Variants in GDAP1 observed in about 807,000 individuals in gnomAD.
The protein encoded by GDAP1 is ganglioside-induced differentiation-associated protein 1.
In GDAP1, 34 loss-of-function variants were observed where a neutral mutation model predicts 40.1. That is an observed-to-expected ratio of 0.85 (90% confidence interval 0.64 to 1.13). The LOEUF is 1.13. Among genes scored for constraint, GDAP1 ranks in the 50% most tolerant of loss-of-function variants. The probability of loss-of-function intolerance (pLI) is 0.00; values close to 1 mark genes in which losing one functional copy is unlikely to be tolerated. For missense variants in GDAP1, 374 were observed against 433.7 expected, an observed-to-expected ratio of 0.86 and a Z score of 1.22; for synonymous variants, 170 against 157.4, an observed-to-expected ratio of 1.08 and a Z score of -0.60.
chr8:74,457,544 T>G (rs1276818561), intron 2 of GDAP1, among the ~76,000 whole-genome samples: 1 of 151,792 alleles, frequency 6.6e-6, no homozygotes, highest in Non-Finnish European at 1.5e-5. Context: ...GTTATCAGAT[T>G]GTTTCAAACT....
intron 2 of GDAP1, among the ~76,000 whole-genome samples, chr8:74,436,486 G>A (rs1806090242): frequency 2.1e-5 from 3 of 142,462 alleles, no homozygotes; most frequent in East Asian, 4.2e-4. Context: ...GCAGTGGTGT[G>A]ATCTCGGCTC....
chr8:74,351,154 A>G, intron 1 of GDAP1, 120 bp from the exon 2 acceptor site: 3 of 811,650 alleles, frequency 3.7e-6, no homozygotes, highest in Non-Finnish European at 6.6e-6. Flanking sequence ...GAATTGTTAA[A>G]ACGACTGTTG....
At chr8:74,486,564 T>C (rs1186865299) in intron 2 of GDAP1, among the ~76,000 whole-genome samples, 1 of 152,194 alleles carries the variant, frequency 6.6e-6, no homozygotes, top group Admixed American at 6.5e-5. Context: ...GTTGAAAGAT[T>C]CTCAAAAATC....
chr8:74,413,902 T>G lies in GDAP1; in HGVS notation c.165+62581T>G, dbSNP rs112715895. Among the ~76,000 whole-genome samples the G allele has an allele frequency of 1.5e-3, 221 of 149,844 alleles. 17 individuals carry two copies. Among genetic ancestry groups the G allele is most frequent in the African/African-American group, 5.0e-3 (198 of 39,214 alleles). On this transcript the variant is annotated intron_variant, in intron 2 of 2. Transcript: ENST00000523640. ...GAGCAATTTCAGAGAGGGAGAACTT[T>G]GAGAAAGTGACTCTTCAAGTTGTTT...
At chr8:74,350,686 C>CAGTG in intron 1 of GDAP1, 108 bp downstream of exon 1, 1 of 818,518 alleles carries the variant, frequency 1.2e-6, no homozygotes, top group Non-Finnish European at 2.1e-6. Flanking sequence ...AATCCGCCTC[C>CAGTG]AGTGTCCTGA....
chr8:74,476,834 G>C (rs1353488833), intron 2 of GDAP1, among the ~76,000 whole-genome samples: 1 of 152,148 alleles, frequency 6.6e-6, no homozygotes, highest in Admixed American at 6.5e-5. Flanking sequence ...TGCCATTCTA[G>C]CTATGTTGGG....
chr8:74,447,658 G>A (rs1291589991), intron 2 of GDAP1, among the ~76,000 whole-genome samples: 1 of 152,112 alleles, frequency 6.6e-6, no homozygotes, highest in Non-Finnish European at 1.5e-5. Context: ...CCCACAAAGG[G>A]TAATAAAATG....
chr8:74,444,010 CTATCTATCT>C (rs992037189), intron 2 of GDAP1, among the ~76,000 whole-genome samples: 4 of 140,882 alleles, frequency 2.8e-5, no homozygotes, highest in African/African-American at 1.0e-4. Context: ...ATCTATCTAT[CTATCTATCT>C]ATCTATCATC....
At chr8:74,381,279 G>A (rs1809948766) in intron 2 of GDAP1, among the ~76,000 whole-genome samples, 1 of 152,028 alleles carries the variant, frequency 6.6e-6, no homozygotes, top group Non-Finnish European at 1.5e-5. Context: ...AGATGTTCAT[G>A]GTAGCAGAGT....
intron 2 of GDAP1, among the ~76,000 whole-genome samples, chr8:74,374,045 A>G (rs111755261): frequency 0.093 from 14,089 of 152,210 alleles, 875 homozygotes; most frequent in Non-Finnish European, 0.14. Flanking sequence ...TTCTGTTTAT[A>G]TACTGGATTA....
At chr8:74,402,967 A>G (rs1242797094) in intron 2 of GDAP1, among the ~76,000 whole-genome samples, 1 of 150,084 alleles carries the variant, frequency 6.7e-6, no homozygotes, top group East Asian at 1.9e-4. Flanking sequence ...ATGTTTTTCA[A>G]AAGTTAATGA....
chr8:74,424,136 A>G lies in GDAP1; in HGVS notation c.166-64542A>G, dbSNP rs1223090632. ...TTATATTAGCATCTAACCTATGTAT[A>G]TGCTCCTGTATACTTTAAGTCATTT... On this transcript the variant is annotated intron_variant, in intron 2 of 2. Coordinates refer to the GDAP1 transcript ENST00000523640. Among the ~76,000 whole-genome samples, 5 of 152,262 alleles carry G rather than the reference A, an allele frequency of 3.3e-5. No individual in the cohort carries two copies. In the South Asian group the frequency reaches 1.0e-3, roughly 32 times the overall value.
chr8:74,392,034 G>T (rs1810118064), intron 2 of GDAP1, among the ~76,000 whole-genome samples: 1 of 152,098 alleles, frequency 6.6e-6, no homozygotes, highest in African/African-American at 2.4e-5. Flanking sequence ...GGTCAGGCTG[G>T]TCTCGAACTC....
At chr8:74,410,991 A>T (rs1157434372) in intron 2 of GDAP1, among the ~76,000 whole-genome samples, 1 of 149,928 alleles carries the variant, frequency 6.7e-6, no homozygotes, top group Non-Finnish European at 1.5e-5. Context: ...AGGTGATTGG[A>T]TCATGGGGGA....
intron 2 of GDAP1, among the ~76,000 whole-genome samples, chr8:74,375,857 TGA>T (rs1809843789): frequency 6.6e-6 from 1 of 152,224 alleles, no homozygotes; most frequent in South Asian, 2.1e-4. Flanking sequence ...TATTTGTAAT[TGA>T]TATGATTTTT....
At chr8:74,402,534 C>T (rs141003167) in intron 2 of GDAP1, among the ~76,000 whole-genome samples, 2,456 of 150,268 alleles carry the variant, frequency 0.016, 330 homozygotes, top group African/African-American at 0.059. Context: ...CGCCCTGCTT[C>T]GGCTCGCGCA....
intron 2 of GDAP1, among the ~76,000 whole-genome samples, chr8:74,447,145 G>T (rs1007211360): frequency 3.9e-5 from 6 of 152,094 alleles, no homozygotes; most frequent in African/African-American, 1.4e-4. Flanking sequence ...ATTAATAGCT[G>T]AAATATAAGT....
intron 2 of GDAP1, among the ~76,000 whole-genome samples, chr8:74,405,640 A>G (rs937610242): frequency 2.0e-5 from 3 of 150,152 alleles, no homozygotes; most frequent in African/African-American, 7.6e-5. Flanking sequence ...TATTTAATGT[A>G]TGTGGACTTA....
At position 74,364,195 on chromosome 8, in the gene GDAP1, C is replaced by CTG. The variant is rs750616418; in HGVS notation, c.906_907dup (p.Ala303ValfsTer46). On this transcript the variant is annotated frameshift_variant, in exon 6 of 6. Coordinates refer to ENST00000220822, the MANE Select transcript of GDAP1 (RefSeq NM_018972.4). LOFTEE classifies it high-confidence loss of function. The stretch of plus-strand genomic sequence containing the variant: ...GGACATGTCAACAATATATTAATCT[C>CTG]TGCAGTGCTGCCAACAGCATTCCGG... 1.2e-6 allele frequency: 2 copies of CTG among 1,614,184 alleles called. No homozygotes were observed. Among genetic ancestry groups the CTG allele is most frequent in the South Asian group, 2.2e-5 (2 of 91,080 alleles).
Sources: gnomAD v4.1 joint callset for allele counts (sites outside exome capture counted in the v4.1 genomes callset) on GRCh38, gnomAD v4.1.1 for gene constraint, MANE v1.5 for transcripts, NCBI Gene and HGNC (gene_info 2026-07-23, HGNC 2026-07-21) for gene names.